Variants in ANKRD26 observed in about 807,000 individuals in gnomAD.
ANKRD26 encodes ankyrin repeat domain 26.
In ANKRD26, 141 loss-of-function variants were observed where a neutral mutation model predicts 208.7. The ratio of observed to expected loss-of-function variants is 0.68; its 90% CI spans 0.59 to 0.78. ANKRD26 has a LOEUF of 0.78. Among genes scored for constraint, ANKRD26 ranks in the 30% least tolerant of loss-of-function variants. The pLI, the probability that ANKRD26 is intolerant of heterozygous loss-of-function variation, is 0.00. For missense variants in ANKRD26, 1,889 were observed against 1,938.7 expected (o/e 0.97, Z 0.48); for synonymous variants, 636 against 660.4 (o/e 0.96, Z 0.57).
intron 1 of ANKRD26, among the ~76,000 whole-genome samples, chr10:27,098,999 C>CT (rs1184044131): frequency 2.0e-5 from 3 of 150,848 alleles, no homozygotes; most frequent in Non-Finnish European, 3.0e-5. Flanking sequence ...TTCTTTCTTT[C>CT]TTTTTTTTGA....
At chr10:26,997,123 A>AT (rs1390726384) in intron 4 of ANKRD26, among the ~76,000 whole-genome samples, 1 of 151,888 alleles carries the variant, frequency 6.6e-6, no homozygotes, top group Admixed American at 6.6e-5. Flanking sequence ...ATTGAAAGGG[A>AT]TCTCAGGGCA....
At chr10:27,069,963 A>C (rs775879014) in intron 9 of ANKRD26, among the ~76,000 whole-genome samples, 53 of 151,934 alleles carry the variant, frequency 3.5e-4, no homozygotes, top group Non-Finnish European at 5.9e-4. Flanking sequence ...ACAAAAAATA[A>C]ATAAATAGCT....
intron 27 of ANKRD26, among the ~76,000 whole-genome samples, chr10:27,028,328 G>T (rs1354412004): frequency 2.0e-5 from 3 of 152,020 alleles, no homozygotes; most frequent in Non-Finnish European, 4.4e-5. Flanking sequence ...CGGGCACTGT[G>T]GCTCATACCT....
chr10:27,097,623 C>A (rs1306252121), intron 1 of ANKRD26, among the ~76,000 whole-genome samples: 1 of 151,660 alleles, frequency 6.6e-6, no homozygotes, highest in East Asian at 1.9e-4. Context: ...TATTCTTTTG[C>A]AATAATATTT....
At chr10:27,021,096 A>G (rs922052804) in intron 29 of ANKRD26, among the ~76,000 whole-genome samples, 1 of 152,130 alleles carries the variant, frequency 6.6e-6, no homozygotes, top group Non-Finnish European at 1.5e-5. Flanking sequence ...TTCTGAACAC[A>G]TTTCTTGGCA....
At chr10:26,952,996 G>A in the ANKRD26 span, among the ~76,000 whole-genome samples, 1 of 152,160 alleles carries the variant, frequency 6.6e-6, no homozygotes, top group Non-Finnish European at 1.5e-5. Flanking sequence ...CTGTTGTATT[G>A]ATGTCAGAGT....
chr10:27,048,940 C>T lies in ANKRD26; in HGVS notation c.1675G>A (p.Glu559Lys). Residue 559 changes from glutamate to lysine, a missense_variant, in exon 17 of 34, where the codon GAA (glutamate) becomes AAA (lysine). Transcript: ENST00000376087. ...CCATCATGTATGTTTGCTGATACTT[C>T]CATTTCATTATTTCTGTGTTTTTTC... The part of the protein sequence containing the change: ...ERKKHRNNEM[E>K]VSANIHDGAT... 3.7e-6 allele frequency: 6 copies of T among 1,609,264 alleles called. No homozygotes were observed. In the East Asian group the frequency reaches 1.1e-4, roughly 30 times the overall value.
the ANKRD26 span, among the ~76,000 whole-genome samples, chr10:26,947,761 C>T: frequency 6.6e-6 from 1 of 152,078 alleles, no homozygotes; most frequent in Non-Finnish European, 1.5e-5. Flanking sequence ...AATTAGAATT[C>T]TCTTAATGCA....
chr10:27,029,156 C>G (rs959105865), intron 26 of ANKRD26, 130 bp downstream of exon 26: 7 of 1,212,462 alleles, frequency 5.8e-6, no homozygotes, highest in Non-Finnish European at 8.2e-6. Flanking sequence ...TTCAAAATTG[C>G]TTAATGCTGA....
At chr10:26,972,144 A>C (rs945382595), downstream of ANKRD26, among the ~76,000 whole-genome samples, 1 of 151,554 alleles carries the variant, frequency 6.6e-6, no homozygotes, top group African/African-American at 2.4e-5. Flanking sequence ...CTGAGGCAGG[A>C]GAATGGCGTG....
In ANKRD26 at chr10:26,992,196, C is replaced by T. The variant is rs992809812; in HGVS notation, c.*30-191G>A. Among the ~76,000 whole-genome samples, 13 of 152,186 alleles carry T rather than the reference C, an allele frequency of 8.5e-5. No homozygotes were observed. In the South Asian group the frequency reaches 1.0e-3, roughly 12 times the overall value. The stretch of plus-strand genomic sequence containing the variant: ...GGCAGGATTGCCTGATCTAATTCTT[C>T]GCTTTATTTTTCTTTTGGCTTTATG... On this transcript the variant is annotated intron_variant, in intron 5 of 5. Transcript: ENST00000445828.
intron 5 of ANKRD26, among the ~76,000 whole-genome samples, chr10:26,978,419 G>A (rs919165908): frequency 6.6e-6 from 1 of 152,096 alleles, no homozygotes; most frequent in Admixed American, 6.5e-5. Flanking sequence ...TCATGCCACT[G>A]CACTGCAGCC....
At chr10:27,072,514 CA>C (rs1695742165) in intron 9 of ANKRD26, among the ~76,000 whole-genome samples, 2 of 152,162 alleles carry the variant, frequency 1.3e-5, no homozygotes, top group African/African-American at 4.8e-5. Context: ...TAGCATAACA[CA>C]ATGGACAGGG....
intron 9 of ANKRD26, among the ~76,000 whole-genome samples, chr10:27,069,228 T>C (rs1032418133): frequency 5.1e-4 from 72 of 142,500 alleles, no homozygotes; most frequent in African/African-American, 1.9e-3. Flanking sequence ...AAAAAGGATA[T>C]GAGAAATGAT....
chr10:27,003,133 G>A (rs916057599), downstream of ANKRD26, among the ~76,000 whole-genome samples: 3 of 152,082 alleles, frequency 2.0e-5, no homozygotes, highest in Non-Finnish European at 2.9e-5. Context: ...GCCTATCGAC[G>A]GCATTAAATG....
chr10:27,028,133 A>C (rs968892693), intron 27 of ANKRD26, among the ~76,000 whole-genome samples: 3 of 152,190 alleles, frequency 2.0e-5, no homozygotes, highest in Non-Finnish European at 4.4e-5. Flanking sequence ...TAATCCCATC[A>C]TAAGTGGAGG....
intron 5 of ANKRD26, among the ~76,000 whole-genome samples, chr10:26,993,012 G>A (rs778392046): frequency 1.3e-4 from 20 of 152,290 alleles, no homozygotes; most frequent in Non-Finnish European, 2.5e-4. Flanking sequence ...AGATACTCAT[G>A]TGTCTATCAT....
intron 7 of ANKRD26, among the ~76,000 whole-genome samples, chr10:27,077,987 A>C (rs1167548689): frequency 6.6e-6 from 1 of 152,208 alleles, no homozygotes; most frequent in Non-Finnish European, 1.5e-5. Flanking sequence ...ACAGTAGCCT[A>C]AAATGAAAAT....
At chr10:27,087,282 A>G (rs1176918302) in intron 4 of ANKRD26, among the ~76,000 whole-genome samples, 1 of 152,190 alleles carries the variant, frequency 6.6e-6, no homozygotes, top group Non-Finnish European at 1.5e-5. Context: ...CTTCTAAAAC[A>G]TAAGGATTTT....
Sources: allele counts gnomAD v4.1 joint callset (sites outside exome capture counted in the v4.1 genomes callset), GRCh38; gene constraint gnomAD v4.1.1; transcripts MANE v1.5; gene names NCBI Gene and HGNC (gene_info 2026-07-23, HGNC 2026-07-21).